The following FTO variants were observed in gnomAD, a reference collection of about 807,000 sequenced individuals.
FTO encodes the protein alpha-ketoglutarate-dependent dioxygenase FTO.
In FTO, 47 loss-of-function variants were observed where a neutral mutation model predicts 63.9. The observed-to-expected ratio is 0.74, with a 90% CI of 0.58 to 0.94. The LOEUF is 0.94. Ranked by LOEUF, FTO falls within the 40% of genes least tolerant of loss-of-function variation. The pLI is 0.00. For synonymous variants in FTO, 207 were observed against 224.4 expected, an observed-to-expected ratio of 0.92 and a Z score of 0.69; for missense variants, 562 against 618.1, an observed-to-expected ratio of 0.91 and a Z score of 0.96.
intron 1 of FTO, among the ~76,000 whole-genome samples, chr16:53,710,585 A>G (rs1233990961): frequency 6.6e-6 from 1 of 152,090 alleles, no homozygotes; most frequent in Admixed American, 6.6e-5. Context: ...TTTTGCATGT[A>G]TATTTTTGAG....
intron 8 of FTO, among the ~76,000 whole-genome samples, chr16:54,025,458 C>G (rs1223683618): frequency 1.3e-5 from 2 of 152,202 alleles, no homozygotes; most frequent in African/African-American, 4.8e-5. Context: ...TGTGGTGGCT[C>G]ACACCTATAA....
At chr16:54,074,092 G>T (rs549599225) in intron 8 of FTO, among the ~76,000 whole-genome samples, 1 of 150,418 alleles carries the variant, frequency 6.6e-6, no homozygotes, top group Non-Finnish European at 1.5e-5. Flanking sequence ...CTCGAAAACT[G>T]TTTTTTTTAA....
chr16:53,811,370 T>C (rs1409906712), intron 2 of FTO, among the ~76,000 whole-genome samples: 1 of 152,190 alleles, frequency 6.6e-6, no homozygotes, highest in Non-Finnish European at 1.5e-5. Flanking sequence ...TGCATGTACA[T>C]AGCTGACCAT....
At chr16:53,831,459 G>A (rs932580009) in intron 3 of FTO, among the ~76,000 whole-genome samples, 1 of 150,680 alleles carries the variant, frequency 6.6e-6, no homozygotes, top group Admixed American at 6.6e-5. Context: ...AGACCAAAGG[G>A]GGGGAAAAAA....
At chr16:53,868,239 A>G (rs922478839) in intron 4 of FTO, among the ~76,000 whole-genome samples, 4 of 151,658 alleles carry the variant, frequency 2.6e-5, no homozygotes, top group African/African-American at 9.7e-5. Flanking sequence ...AATGTTTTCT[A>G]TATTTTGTCT....
Position 53,847,501 on chromosome 16 carries a change from C to T in FTO, c.895+3203C>T, listed in dbSNP as rs192020108. 7.0e-3 allele frequency among the ~76,000 whole-genome samples: 1,064 copies of T among 152,256 alleles called. 12 individuals are homozygous for T. Among genetic ancestry groups the T allele is most frequent in the Middle Eastern group, 0.027 (8 of 294 alleles). On this transcript the variant is annotated intron_variant, in intron 4 of 8. Coordinates refer to ENST00000471389, the MANE Select transcript of FTO (RefSeq NM_001080432.3). The stretch of plus-strand genomic sequence containing the variant: ...CTGGATTATAGGCCAGGCGCAGTGG[C>T]TCACACCTGTAATCCCTGCACTTTG...
intron 8 of FTO, among the ~76,000 whole-genome samples, chr16:54,059,204 A>G (rs2085512658): frequency 6.6e-6 from 1 of 152,240 alleles, no homozygotes; most frequent in African/African-American, 2.4e-5. Flanking sequence ...CAGCCGAGTG[A>G]AAAATGATCA....
At chr16:54,101,675 T>A (rs2086645972) in intron 8 of FTO, among the ~76,000 whole-genome samples, 1 of 152,244 alleles carries the variant, frequency 6.6e-6, no homozygotes, top group Non-Finnish European at 1.5e-5. Flanking sequence ...TCTGAGTGTA[T>A]ACCCAGTAAT....
chr16:53,912,247 G>A (rs2081729506), intron 7 of FTO, among the ~76,000 whole-genome samples: 1 of 152,158 alleles, frequency 6.6e-6, no homozygotes, highest in South Asian at 2.1e-4. Flanking sequence ...ACCTCCAGGA[G>A]TAATCTCTAG....
At chr16:53,959,207 G>T (rs2083007805) in intron 8 of FTO, among the ~76,000 whole-genome samples, 1 of 152,120 alleles carries the variant, frequency 6.6e-6, no homozygotes, top group South Asian at 2.1e-4. Context: ...GGAGGCAGGG[G>T]AGCTGGGATT....
chr16:53,841,793 T>C (rs1016374018), intron 3 of FTO, among the ~76,000 whole-genome samples: 1 of 152,192 alleles, frequency 6.6e-6, no homozygotes, highest in African/African-American at 2.4e-5. Flanking sequence ...AAAACATGCT[T>C]TATTGTGCAT....
chr16:53,712,843 T>C (rs1356573832), intron 1 of FTO, among the ~76,000 whole-genome samples: 3 of 152,220 alleles, frequency 2.0e-5, no homozygotes, highest in East Asian at 3.8e-4. Context: ...CCTTCATAAT[T>C]ATGATTCTGG....
intron 8 of FTO, among the ~76,000 whole-genome samples, chr16:54,075,521 A>G (rs1212660739): frequency 6.6e-6 from 1 of 152,230 alleles, no homozygotes; most frequent in Non-Finnish European, 1.5e-5. Context: ...TGAATTGTCA[A>G]ACAAAGGATT....
chr16:54,029,579 A>G (rs1482830164), intron 8 of FTO, among the ~76,000 whole-genome samples: 2 of 152,176 alleles, frequency 1.3e-5, no homozygotes, highest in Non-Finnish European at 2.9e-5. Flanking sequence ...ACCGTCTTCC[A>G]TTTCCTTAAA....
At chr16:54,032,661 G>A (rs62034081) in intron 8 of FTO, among the ~76,000 whole-genome samples, 11,315 of 145,464 alleles carry the variant, frequency 0.078, 547 homozygotes, top group South Asian at 0.26. Flanking sequence ...GTAGTTAAAG[G>A]CTTGCTTATT....
intron 1 of FTO, among the ~76,000 whole-genome samples, chr16:53,799,734 A>C (rs556200768): frequency 1.2e-4 from 19 of 152,318 alleles, no homozygotes; most frequent in Admixed American, 4.6e-4. Flanking sequence ...CTGAAATGGC[A>C]GCGTTCCTGG....
chr16:53,971,651 G>A (rs1205913492), intron 8 of FTO, among the ~76,000 whole-genome samples: 6 of 152,300 alleles, frequency 3.9e-5, no homozygotes, highest in African/African-American at 1.4e-4. Context: ...TTTGGGAACA[G>A]CCCCCTTGGC....
chr16:53,783,108 T>C (rs1262435877), intron 1 of FTO, among the ~76,000 whole-genome samples: 1 of 152,176 alleles, frequency 6.6e-6, no homozygotes, highest in African/African-American at 2.4e-5. Flanking sequence ...GGTGCTCAGC[T>C]TCAAGGAGTT....
rs188419023 is a variant in FTO, at chr16:53,978,129, T to C, written c.1364+44020T>C. 1.3e-3 allele frequency among the ~76,000 whole-genome samples: 194 copies of C among 152,330 alleles called. 1 individual carries two copies. The highest frequency in any genetic ancestry group is 4.6e-3 in the African/African-American group (190 of 41,578). On this transcript the variant is annotated intron_variant, in intron 8 of 8. Transcript: ENST00000471389. ...ACAGTGAGGTTAGAGAAGACACTAT[T>C]GTTTCATTTTATGCATGTATGTCAC... is the stretch of plus-strand genomic sequence containing the variant.
Sources: gnomAD v4.1 joint callset for allele counts (sites outside exome capture counted in the v4.1 genomes callset) on GRCh38, gnomAD v4.1.1 for gene constraint, MANE v1.5 for transcripts, NCBI Gene and HGNC (gene_info 2026-07-23, HGNC 2026-07-21) for gene names.